APOBEC1: variants seen among roughly 807,000 people sequenced by gnomAD.
APOBEC1 encodes the protein C->U-editing enzyme APOBEC-1.
A neutral mutation model predicts 26.3 loss-of-function variants in APOBEC1; 22 were observed. The ratio of observed to expected loss-of-function variants is 0.84; its 90% CI spans 0.60 to 1.19. APOBEC1 has a LOEUF of 1.19. Ranked by LOEUF, APOBEC1 falls within the 50% of genes most tolerant of loss-of-function variation. The pLI, the probability that APOBEC1 is intolerant of heterozygous loss-of-function variation, is 0.00. For missense variants in APOBEC1, 253 were observed against 289.0 expected (o/e 0.88, Z 0.90); for synonymous variants, 77 against 95.3 (o/e 0.81, Z 1.12).
chr12:7,650,026 A>G (rs961611408), intron 4 of APOBEC1, among the ~76,000 whole-genome samples: 1 of 152,210 alleles, frequency 6.6e-6, no homozygotes, highest in South Asian at 2.1e-4. Context: ...CATGTTGCCC[A>G]GGCTGGTCTC....
At chr12:7,650,035 T>C (rs770548291) in intron 4 of APOBEC1, among the ~76,000 whole-genome samples, 1 of 152,112 alleles carries the variant, frequency 6.6e-6, no homozygotes, top group African/African-American at 2.4e-5. Context: ...CAGGCTGGTC[T>C]CCAACTTCTG....
intron 2 of APOBEC1, 31 bp from the exon 3 acceptor site, chr12:7,652,866 T>A: frequency 6.6e-7 from 1 of 1,526,360 alleles, no homozygotes; most frequent in Non-Finnish European, 8.8e-7. Flanking sequence ...CACACTGTCA[T>A]GCCACATTTA....
chr12:7,665,238 C>T (rs1863877235), intron 1 of APOBEC1, among the ~76,000 whole-genome samples: 1 of 152,172 alleles, frequency 6.6e-6, no homozygotes, highest in African/African-American at 2.4e-5. Context: ...ACATTGTTCT[C>T]ATGCTATCAC....
chr12:7,665,114 C>G (rs1327319657), intron 1 of APOBEC1, among the ~76,000 whole-genome samples: 1 of 152,136 alleles, frequency 6.6e-6, no homozygotes, highest in Non-Finnish European at 1.5e-5. Context: ...AATCCTAGCT[C>G]AGCTGAAATT....
At chr12:7,651,906 C>T (rs112910943) in intron 3 of APOBEC1, among the ~76,000 whole-genome samples, 63 of 151,914 alleles carry the variant, frequency 4.1e-4, no homozygotes, top group African/African-American at 1.3e-3. Context: ...CTGCAAGCTC[C>T]GCCTCCCGGG....
chr12:7,654,186 A>G (rs886395151), intron 2 of APOBEC1, among the ~76,000 whole-genome samples: 2 of 152,218 alleles, frequency 1.3e-5, no homozygotes, highest in African/African-American at 4.8e-5. Flanking sequence ...AAAGAAGAGA[A>G]ATTGTAAGAC....
chr12:7,650,900 G>A (rs956779325), intron 4 of APOBEC1, 123 bp downstream of exon 4: 6 of 736,824 alleles, frequency 8.1e-6, no homozygotes, highest in Admixed American at 2.2e-5. Flanking sequence ...GAGCTAGCTA[G>A]TTAAATAACT....
intron 1 of APOBEC1, among the ~76,000 whole-genome samples, chr12:7,660,617 C>CGCTT (rs1273279450): frequency 6.9e-6 from 1 of 144,148 alleles, no homozygotes; most frequent in Non-Finnish European, 1.5e-5. Context: ...GCACAAGAAT[C>CGCTT]GCTTGAACCC....
intron 1 of APOBEC1, among the ~76,000 whole-genome samples, chr12:7,662,870 A>C (rs1863839600): frequency 6.6e-6 from 1 of 152,124 alleles, no homozygotes; most frequent in African/African-American, 2.4e-5. Context: ...CAAGACCTGC[A>C]ATGGAGGGAG....
chr12:7,665,752 G>GACACACACACACACACACACAC (rs60124402), intron 1 of APOBEC1, 105 bp downstream of exon 1: 5 of 775,706 alleles, frequency 6.4e-6, no homozygotes, highest in South Asian at 1.8e-5. Flanking sequence ...GAATCAGCAG[G>GACACACACACACACACACACAC]ACACACACAC....
Position 7,649,632 on chromosome 12 carries a change from T to A in APOBEC1, c.626A>T (p.His209Leu). Residue 209 changes from histidine to leucine, a missense_variant, in exon 5 of 5, where the codon CAT (histidine) becomes CTT (leucine). Transcript: ENST00000229304. ...CGTTTGGTAATGGCAGTTTTGAAGA[T>A]GAAGTCTGAAAAATGTAAGATGATT... is the stretch of plus-strand genomic sequence containing the variant. ...WQNHLTFFRL[H>L]LQNCHYQTIP... is the part of the protein sequence containing the mutation. 1 of 1,614,030 alleles carries A rather than the reference T, an allele frequency of 6.2e-7. No individual in the cohort carries two copies. The highest frequency in any genetic ancestry group is 8.5e-7 in the Non-Finnish European group (1 of 1,179,884).
intron 2 of APOBEC1, 70 bp from the exon 3 acceptor site, chr12:7,652,905 C>A: frequency 8.6e-7 from 1 of 1,157,232 alleles, no homozygotes; most frequent in South Asian, 2.8e-5. Context: ...TTTCCTGCTC[C>A]CCTCTTCTTT....
upstream of APOBEC1, among the ~76,000 whole-genome samples, chr12:7,669,039 C>A (rs1024543271): frequency 2.6e-5 from 4 of 151,930 alleles, no homozygotes; most frequent in South Asian, 2.1e-4. Flanking sequence ...GCCAGCACCC[C>A]CCAATTCTGT....
In APOBEC1 at chr12:7,652,638, C is replaced by G. The variant is rs756120761; in HGVS notation, c.242G>C (p.Ser81Thr). ...TSERDFHPSMSCSITWFLSWS... is the reference protein window; with the variant it reads ...TSERDFHPSMTCSITWFLSWS... The stretch of plus-strand genomic sequence containing the variant: ...GGACAAGAACCAGGTGATGGAGCAG[C>G]TCATGGATGGGTGAAAATCTCTTTC... Residue 81 changes from serine to threonine, a missense_variant, in exon 3 of 5, where the codon AGC becomes ACC. Ser to Thr is a moderately conservative substitution (Grantham distance 58). Transcript: ENST00000229304. 1 of 1,614,096 alleles carries G rather than the reference C, an allele frequency of 6.2e-7. No homozygotes were observed. The highest frequency in any genetic ancestry group is 1.1e-5 in the South Asian group (1 of 91,076).
At chr12:7,656,029 TTC>T (rs1863710565) in intron 1 of APOBEC1, among the ~76,000 whole-genome samples, 1 of 152,098 alleles carries the variant, frequency 6.6e-6, no homozygotes, top group South Asian at 2.1e-4. Flanking sequence ...TGGAGGCGTG[TTC>T]TCTCTGTGTT....
intron 1 of APOBEC1, among the ~76,000 whole-genome samples, chr12:7,661,145 G>T (rs1439209453): frequency 6.7e-6 from 1 of 149,354 alleles, no homozygotes; most frequent in African/African-American, 2.5e-5. Context: ...GGCGGAGCTT[G>T]CAGTGAGCCA....
At chr12:7,656,494 C>T (rs1166457264) in intron 1 of APOBEC1, among the ~76,000 whole-genome samples, 4 of 152,190 alleles carry the variant, frequency 2.6e-5, no homozygotes, top group Non-Finnish European at 5.9e-5. Context: ...TCCATTCAGA[C>T]TCTCAAAGGT....
In APOBEC1 at chr12:7,651,086, G is replaced by C; in HGVS notation, c.498C>G (p.His166Gln). Residue 166 changes from histidine (H) to glutamine (Q), a missense_variant, in exon 4 of 5, where the codon CAC becomes CAG. By Grantham distance (24) the His-to-Gln change is conservative. Coordinates refer to ENST00000229304, the MANE Select transcript of APOBEC1 (RefSeq NM_001644.5). Reference protein sequence around the residue: ...FVNYPPGDEAHWPQYPPLWMM... With the variant: ...FVNYPPGDEAQWPQYPPLWMM... ...TCCACAGAGGTGGGTATTGTGGCCA[G>C]TGAGCTTCATCCCCAGGTGGGTAGT... The C allele has an allele frequency of 6.2e-7, 1 of 1,614,150 alleles. No individual in the cohort carries two copies. The highest frequency in any genetic ancestry group is 8.5e-7 in the Non-Finnish European group (1 of 1,180,000).
At chr12:7,663,143 T>C (rs1247532529) in intron 1 of APOBEC1, among the ~76,000 whole-genome samples, 1 of 152,164 alleles carries the variant, frequency 6.6e-6, no homozygotes, top group Non-Finnish European at 1.5e-5. Context: ...TCGCAGGTGC[T>C]ATTTTTGAAC....
Sources: allele counts gnomAD v4.1 joint callset (sites outside exome capture counted in the v4.1 genomes callset), GRCh38; gene constraint gnomAD v4.1.1; transcripts MANE v1.5; gene names NCBI Gene and HGNC (gene_info 2026-07-23, HGNC 2026-07-21).